STAM2: variants seen among roughly 807,000 people sequenced by gnomAD.
STAM2 encodes the protein signal transducing adapter molecule 2.
A neutral mutation model predicts 65.6 loss-of-function variants in STAM2; 51 were observed. That is an observed-to-expected ratio of 0.78 (90% CI 0.62 to 0.98). The LOEUF (loss-of-function observed/expected upper bound fraction) is 0.98, where lower values mean the gene tolerates loss of function less well. Among genes scored for constraint, STAM2 ranks in the 50% least tolerant of loss-of-function variants. The pLI, the probability that STAM2 is intolerant of heterozygous loss-of-function variation, is 0.00. For synonymous variants in STAM2, 198 were observed against 208.4 expected (o/e 0.95, Z 0.43); for missense variants, 584 against 617.8 (o/e 0.95, Z 0.58).
At chr2:152,163,088 A>C (rs1171331140) in intron 1 of STAM2, among the ~76,000 whole-genome samples, 2 of 152,208 alleles carry the variant, frequency 1.3e-5, no homozygotes, top group African/African-American at 4.8e-5. Context: ...GCCTCTTGAG[A>C]GGAATTTTTG....
intron 1 of STAM2, among the ~76,000 whole-genome samples, chr2:152,165,630 G>A (rs985979407): frequency 4.6e-5 from 7 of 152,108 alleles, no homozygotes; most frequent in Admixed American, 3.3e-4. Flanking sequence ...AAACAACGAG[G>A]ACCTGCCTTG....
chr2:152,170,267 G>C (rs1362628273), intron 1 of STAM2, among the ~76,000 whole-genome samples: 1 of 150,810 alleles, frequency 6.6e-6, no homozygotes, highest in Non-Finnish European at 1.5e-5. Flanking sequence ...GGATCACGAG[G>C]TCAGGAGTTC....
intron 1 of STAM2, among the ~76,000 whole-genome samples, chr2:152,154,385 G>A (rs898377720): frequency 1.2e-4 from 18 of 152,192 alleles, no homozygotes; most frequent in African/African-American, 4.3e-4. Context: ...GAGAGGCCAA[G>A]GTGGGCAGAT....
In STAM2 at chr2:152,133,393, G is replaced by A. The variant is rs1689098702; in HGVS notation, c.882+9C>T. ...ATAGTTTAACTATTAAACAAAAGAG[G>A]GACCCTACCTCATCTATATAAACAG... On this transcript the variant is annotated intron_variant, in intron 9 of 13. Coordinates refer to ENST00000263904, the MANE Select transcript of STAM2 (RefSeq NM_005843.6). 3 of 1,602,834 alleles carry A rather than the reference G, an allele frequency of 1.9e-6. No homozygotes were observed. The highest frequency in any genetic ancestry group is 2.7e-5 in the African/African-American group (2 of 74,366).
rs140582341 is a variant in STAM2, at chr2:152,120,770, T to C, written c.1382A>G (p.Tyr461Cys). Residue 461 changes from tyrosine to cysteine, a missense_variant, in exon 14 of 14, where the codon TAT (tyrosine) becomes TGT (cysteine). Tyr to Cys is a radical substitution (Grantham distance 194). Coordinates refer to ENST00000263904, the MANE Select transcript of STAM2 (RefSeq NM_005843.6). ...CTGTAGGTTAGAGTTCTGGTTCATA[T>C]AAGTAGGATTGGAAACAGTGTCTTG... ...TGQDTVSNPT[Y>C]MNQNSNLQSA... is the part of the protein sequence containing the mutation. The C allele has an allele frequency of 2.5e-4, 411 of 1,614,072 alleles. No homozygotes were observed. Among genetic ancestry groups the C allele is most frequent in the Non-Finnish European group, 3.3e-4 (391 of 1,180,040 alleles).
At chr2:152,124,249 G>C in intron 12 of STAM2, 1 of 238,694 alleles carries the variant, frequency 4.2e-6, no homozygotes, top group Non-Finnish European at 8.1e-6. Context: ...TCTTGCTGTA[G>C]AGCCACAGAA....
chr2:152,171,747 G>A (rs1037366200), intron 1 of STAM2, among the ~76,000 whole-genome samples: 1 of 152,218 alleles, frequency 6.6e-6, no homozygotes, highest in Non-Finnish European at 1.5e-5. Flanking sequence ...TTTTGTAGAG[G>A]TAGAATTTGA....
intron 11 of STAM2, among the ~76,000 whole-genome samples, chr2:152,131,027 A>G (rs1018979137): frequency 6.6e-6 from 1 of 151,784 alleles, no homozygotes; most frequent in African/African-American, 2.4e-5. Context: ...AAGAAAAACA[A>G]AACTATGTAG....
intron 1 of STAM2, among the ~76,000 whole-genome samples, chr2:152,164,185 T>C (rs1168348618): frequency 6.6e-6 from 1 of 152,144 alleles, no homozygotes; most frequent in African/African-American, 2.4e-5. Flanking sequence ...TTTCTCTCTA[T>C]TTCTCAGACT....
intron 7 of STAM2, among the ~76,000 whole-genome samples, chr2:152,136,761 T>C (rs1390752215): frequency 2.0e-5 from 3 of 152,198 alleles, no homozygotes; most frequent in Admixed American, 6.5e-5. Flanking sequence ...GACATTTAGG[T>C]TGATTCCAGT....
At chr2:152,158,235 G>A (rs949177646) in intron 1 of STAM2, among the ~76,000 whole-genome samples, 2 of 152,144 alleles carry the variant, frequency 1.3e-5, no homozygotes, top group Non-Finnish European at 2.9e-5. Context: ...CCAGCACTTT[G>A]GGAAGCCAAG....
At chr2:152,167,595 T>C (rs1275546480) in intron 1 of STAM2, among the ~76,000 whole-genome samples, 1 of 152,174 alleles carries the variant, frequency 6.6e-6, no homozygotes, top group African/African-American at 2.4e-5. Flanking sequence ...AAAACACTTT[T>C]AAAGACTTTG....
intron 5 of STAM2, among the ~76,000 whole-genome samples, chr2:152,145,252 A>G (rs1689317381): frequency 6.6e-6 from 1 of 152,076 alleles, no homozygotes; most frequent in Admixed American, 6.6e-5. Context: ...TATTTTTTGT[A>G]GAGACAGGGT....
chr2:152,150,109 T>G, intron 2 of STAM2, 36 bp downstream of exon 2: 1 of 1,390,700 alleles, frequency 7.2e-7, no homozygotes, highest in South Asian at 1.2e-5. Context: ...GTTATCAAGT[T>G]CCTAGACATT....
At chr2:152,123,049 C>T (rs544962828) in intron 13 of STAM2, among the ~76,000 whole-genome samples, 21 of 150,810 alleles carry the variant, frequency 1.4e-4, no homozygotes, top group South Asian at 8.4e-4. Flanking sequence ...CTATCCTGGG[C>T]GACTGAGTGA....
At chr2:152,130,465 A>G (rs189249398) in intron 11 of STAM2, among the ~76,000 whole-genome samples, 257 of 151,724 alleles carry the variant, frequency 1.7e-3, no homozygotes, top group African/African-American at 6.0e-3. Context: ...GTTAGCCAGG[A>G]TGGTCTCGAT....
At chr2:152,124,655 C>T (rs529954997) in intron 12 of STAM2, 3 of 152,244 alleles carry the variant, frequency 2.0e-5, no homozygotes, top group Non-Finnish European at 4.4e-5. Context: ...TCATATCATA[C>T]CATAATGATC....
intron 13 of STAM2, among the ~76,000 whole-genome samples, chr2:152,122,189 G>A (rs1337051002): frequency 6.6e-6 from 1 of 151,830 alleles, no homozygotes; most frequent in African/African-American, 2.4e-5. Flanking sequence ...ATTTTGGGAG[G>A]CCAAGGTGAG....
Position 152,143,854 on chromosome 2 carries a change from C to T in STAM2, c.677G>A (p.Gly226Asp). 2 of 1,609,668 alleles carry T rather than the reference C, an allele frequency of 1.2e-6. No homozygotes were observed. Among genetic ancestry groups the T allele is most frequent in the Non-Finnish European group, 1.7e-6 (2 of 1,178,296 alleles). ...GTCATCCAAAACAATAATTATTTCA[C>T]CATGTTTAAAGGTGAGTTCATTGTC... ...VEDNELTFKH[G>D]EIIIVLDDSD... Residue 226 changes from glycine to aspartate, a missense_variant, in exon 7 of 14, where the codon GGT (glycine) becomes GAT (aspartate). Transcript: ENST00000263904.
Sources: allele counts gnomAD v4.1 joint callset (sites outside exome capture counted in the v4.1 genomes callset), GRCh38; gene constraint gnomAD v4.1.1; transcripts MANE v1.5; gene names NCBI Gene and HGNC (gene_info 2026-07-23, HGNC 2026-07-21).